NUP98: variants seen among roughly 807,000 people sequenced by gnomAD.
The protein encoded by NUP98 is nuclear pore complex protein Nup98-Nup96.
A neutral mutation model predicts 191.9 loss-of-function variants in NUP98; 26 were observed. The observed-to-expected ratio is 0.14, with a 90% CI of 0.10 to 0.19. The LOEUF is 0.19. NUP98 is among the 10% of genes least tolerant of loss of function. NUP98 has a pLI of 1.00. For missense variants in NUP98, 1,941 were observed against 2,178.8 expected, an observed-to-expected ratio of 0.89 and a Z score of 2.17; for synonymous variants, 808 against 778.4, an observed-to-expected ratio of 1.04 and a Z score of -0.63.
chr11:3,787,660 A>C (rs1402700653), intron 1 of NUP98, among the ~76,000 whole-genome samples: 3 of 151,972 alleles, frequency 2.0e-5, no homozygotes, highest in Non-Finnish European at 2.9e-5. Flanking sequence ...ACCTGCTTTC[A>C]CAAGACTGCC....
In NUP98 at chr11:3,676,127, G is replaced by C; in HGVS notation, c.*32C>G. On this transcript the variant is annotated 3_prime_UTR_variant, in exon 33 of 33. Coordinates refer to ENST00000324932, the MANE Select transcript of NUP98 (RefSeq NM_016320.5). ...AGGGAACCTCTGTGTGGTGTGAATGGGCATGTGACTGTGATGCAAAGTGCC... is the reference window on the plus strand; with the variant it reads ...AGGGAACCTCTGTGTGGTGTGAATGCGCATGTGACTGTGATGCAAAGTGCC... 6.3e-7 allele frequency: 1 copy of C among 1,594,786 alleles called. No homozygotes were observed. The highest frequency in any genetic ancestry group is 8.6e-7 in the Non-Finnish European group (1 of 1,165,656).
intron 12 of NUP98, among the ~76,000 whole-genome samples, chr11:3,737,321 C>CAAAAAAAA (rs34718372): frequency 1.8e-5 from 2 of 111,968 alleles, no homozygotes; most frequent in Non-Finnish European, 1.8e-5. Flanking sequence ...GCAGTAATAA[C>CAAAAAAAA]AAAAAAAAAA....
intron 16 of NUP98, among the ~76,000 whole-genome samples, chr11:3,721,514 A>G (rs894810329): frequency 6.6e-6 from 1 of 152,114 alleles, no homozygotes; most frequent in African/African-American, 2.4e-5. Context: ...CCTGGCTAAC[A>G]TGGCAAAAAT....
At position 3,749,301 on chromosome 11, in the gene NUP98, C is replaced by G. The variant is rs546350531; in HGVS notation, c.1267+4015G>C. On this transcript the variant is annotated intron_variant, in intron 11 of 32. Coordinates refer to ENST00000324932, the MANE Select transcript of NUP98 (RefSeq NM_016320.5). ...CCGCAGTCCGGCCTGGGCGACAGAG[C>G]GAGACTCCGTCTCAAAAAAAAAATA... Among the ~76,000 whole-genome samples, 425 of 145,322 alleles carry G rather than the reference C, an allele frequency of 2.9e-3. 2 individuals are homozygous for G. Among genetic ancestry groups the G allele is most frequent in the African/African-American group, 0.011 (412 of 39,168 alleles).
rs548886638 is a variant in NUP98 at position 3,689,811 on chromosome 11, A to C, written c.4454+1536T>G. On this transcript the variant is annotated intron_variant, in intron 28 of 32. Coordinates refer to ENST00000324932, the MANE Select transcript of NUP98 (RefSeq NM_016320.5). ...TACCACACATGGCTAATTTTTTTTTACTTTTAGTAGAAACAGGGTTTTGCC... is the reference window on the plus strand; with the variant it reads ...TACCACACATGGCTAATTTTTTTTTCCTTTTAGTAGAAACAGGGTTTTGCC... Among the ~76,000 whole-genome samples the C allele has an allele frequency of 4.0e-5, 6 of 151,224 alleles. No individual in the cohort carries two copies. The East Asian group carries it at 1.2e-3, about 30-fold the overall frequency.
At chr11:3,719,979 T>A (rs938532115) in intron 17 of NUP98, among the ~76,000 whole-genome samples, 1 of 152,126 alleles carries the variant, frequency 6.6e-6, no homozygotes, top group African/African-American at 2.4e-5. Context: ...CAGGCTGGTC[T>A]AGAACTCCTG....
intron 29 of NUP98, among the ~76,000 whole-genome samples, chr11:3,684,416 T>G (rs1450867929): frequency 2.0e-5 from 3 of 152,178 alleles, no homozygotes; most frequent in African/African-American, 7.2e-5. Context: ...GACTCTTTTC[T>G]GAATTCCTAA....
intron 22 of NUP98, 116 bp downstream of exon 22, chr11:3,705,084 T>C (rs2078819046): frequency 4.5e-6 from 4 of 891,916 alleles, no homozygotes; most frequent in Non-Finnish European, 7.1e-6. Context: ...GTCACAGGTA[T>C]AGTTGTTTGG....
rs2078756503 is a variant in NUP98, at chr11:3,702,997, A to AT, written c.3083-106_3083-105insA. On this transcript the variant is annotated intron_variant, in intron 22 of 32. Coordinates refer to ENST00000324932, the MANE Select transcript of NUP98 (RefSeq NM_016320.5). ...GTAAGGCTGAAATCATTCAATGTTTAATCAAACTACTTATATCAGATGTGG... is the reference window on the plus strand; with the variant it reads ...GTAAGGCTGAAATCATTCAATGTTTATATCAAACTACTTATATCAGATGTGG... The AT allele has an allele frequency of 3.9e-5, 37 of 944,478 alleles. No individual in the cohort carries two copies. The South Asian group carries it at 5.8e-4, about 15-fold the overall frequency. The allele number at this position is 944,478 out of a possible 1,614,324, so 58.5% of individuals were successfully genotyped here. A position where few individuals can be genotyped will look rare whatever the true frequency, so the allele number is the denominator to read the frequency against.
At chr11:3,712,520 G>T (rs540070352) in intron 20 of NUP98, 44 bp downstream of exon 20, 2 of 1,606,540 alleles carry the variant, frequency 1.2e-6, no homozygotes, top group Admixed American at 1.7e-5. Context: ...TTTCAACTTC[G>T]GTATCACGGA....
chr11:3,688,820 C>CATATATATATATATATATATAT (rs71041372), intron 28 of NUP98, among the ~76,000 whole-genome samples: 12 of 136,266 alleles, frequency 8.8e-5, no homozygotes, highest in African/African-American at 2.5e-4. Flanking sequence ...TTTAAATATA[C>CATATATATATATATATATATAT]ATATATATAT....
chr11:3,786,568 TCTC>T (rs936917538), intron 1 of NUP98, among the ~76,000 whole-genome samples: 12 of 152,320 alleles, frequency 7.9e-5, no homozygotes, highest in African/African-American at 1.9e-4. Flanking sequence ...TGCTCAAAAA[TCTC>T]CTAATTAATA....
At chr11:3,699,035 G>A (rs573389641) in intron 25 of NUP98, 47 bp downstream of exon 25, 2 of 1,599,834 alleles carry the variant, frequency 1.3e-6, no homozygotes, top group South Asian at 1.1e-5. Flanking sequence ...GAGGCAGTGA[G>A]TAGGAAGGCG....
intron 20 of NUP98, chr11:3,711,524 T>C (rs984348157): frequency 6.5e-6 from 1 of 153,032 alleles, no homozygotes; most frequent in Admixed American, 6.6e-5. Flanking sequence ...CATATTACTT[T>C]TGTTACAGAA....
rs71041370 is a variant in NUP98, at chr11:3,684,766, C to CAAAAAAAAAA, written c.4676+1197_4676+1206dup. On this transcript the variant is annotated intron_variant, in intron 29 of 32. Transcript: ENST00000324932. ...AAACTAATGTTATGCTTTCACAGGCCAAAAAAAAAAAAAAAAAAAAAAAAA... is the reference window on the plus strand; with the variant it reads ...AAACTAATGTTATGCTTTCACAGGCCAAAAAAAAAAAAAAAAAAAAAAAAAAAAAAAAAAA... 4.6e-4 allele frequency among the ~76,000 whole-genome samples: 47 copies of CAAAAAAAAAA among 101,804 alleles called. 3 individuals carry two copies. Among genetic ancestry groups the CAAAAAAAAAA allele is most frequent in the African/African-American group, 1.5e-3 (38 of 25,898 alleles). The allele number at this position is 101,804 out of a possible 152,430, so 66.8% of individuals were successfully genotyped here.
chr11:3,766,402 C>A (rs2081341009), intron 8 of NUP98, among the ~76,000 whole-genome samples: 1 of 151,358 alleles, frequency 6.6e-6, no homozygotes, highest in African/African-American at 2.4e-5. Flanking sequence ...AATTGAGAAA[C>A]ATGAAGGCCA....
intron 24 of NUP98, 103 bp downstream of exon 24, chr11:3,700,507 A>C (rs542658482): frequency 1.4e-6 from 1 of 711,932 alleles, no homozygotes; most frequent in African/African-American, 1.8e-5. Flanking sequence ...AAGCACAGGC[A>C]TTTACCTACT....
chr11:3,744,582 T>A lies in NUP98; in HGVS notation c.1335A>T (p.Thr445=). The A allele has an allele frequency of 6.2e-7, 1 of 1,613,850 alleles. No individual in the cohort carries two copies. The highest frequency in any genetic ancestry group is 8.5e-7 in the Non-Finnish European group (1 of 1,179,802). Residue 445 remains threonine, a synonymous_variant, in exon 12 of 33, where the codon ACA becomes ACT. Coordinates refer to ENST00000324932, the MANE Select transcript of NUP98 (RefSeq NM_016320.5). ...TAAATCCAGGGGCCCCAAAGGCTCCTGTACCAAGAGGCCCTCCAATCTTAG... is the reference window on the plus strand; with the variant it reads ...TAAATCCAGGGGCCCCAAAGGCTCCAGTACCAAGAGGCCCTCCAATCTTAG... ...NQPKIGGPLG[T]GAFGAPGFNT... is the part of the protein sequence containing the mutation.
At chr11:3,743,278 A>G (rs1396137233) in intron 12 of NUP98, among the ~76,000 whole-genome samples, 1 of 149,964 alleles carries the variant, frequency 6.7e-6, no homozygotes, top group Admixed American at 6.6e-5. Context: ...CGGCCTCCCA[A>G]AGTACTGGGA....
Sources: gnomAD v4.1 joint callset for allele counts (sites outside exome capture counted in the v4.1 genomes callset) on GRCh38, gnomAD v4.1.1 for gene constraint, MANE v1.5 for transcripts, NCBI Gene and HGNC (gene_info 2026-07-23, HGNC 2026-07-21) for gene names.